The following TEX11 variants were observed in gnomAD, a reference collection of about 807,000 sequenced individuals.
The protein encoded by TEX11 is testis-expressed protein 11.
TEX11 carries 7 observed loss-of-function variants against 84.4 expected under a neutral mutation model. That is an observed-to-expected ratio of 0.08 (90% CI 0.05 to 0.16). The LOEUF is 0.16. Ranked by LOEUF, TEX11 falls within the 10% of genes least tolerant of loss-of-function variation. TEX11 has a pLI of 1.00. For missense variants in TEX11, 551 were observed against 660.5 expected (o/e 0.83, Z 1.82); for synonymous variants, 264 against 222.8 (o/e 1.18, Z -1.64).
chrX:70,887,471 G>T (rs1451015281), intron 2 of TEX11, among the ~76,000 whole-genome samples: 1 of 112,222 alleles, frequency 8.9e-6, no homozygotes, highest in Non-Finnish European at 1.9e-5. Context: ...TGGGCATAGG[G>T]ATAGACTCCT....
chrX:70,590,831 C>T (rs1032464744), intron 25 of TEX11, among the ~76,000 whole-genome samples: 5 of 111,485 alleles, frequency 4.5e-5, no homozygotes, highest in Non-Finnish European at 9.4e-5. Context: ...CACTGCAACC[C>T]CTGCCTCCTG....
chrX:70,543,749 G>A (rs1247174787), intron 28 of TEX11, among the ~76,000 whole-genome samples: 1 of 112,164 alleles, frequency 8.9e-6, no homozygotes, highest in Non-Finnish European at 1.9e-5. Flanking sequence ...GTGATTTGCA[G>A]ATAGTCATGT....
At chrX:70,791,268 G>A (rs1345600374) in intron 9 of TEX11, among the ~76,000 whole-genome samples, 1 of 111,560 alleles carries the variant, frequency 9.0e-6, no homozygotes, top group East Asian at 2.8e-4. Flanking sequence ...AAAGGACAAA[G>A]GACATTACAT....
At chrX:70,664,853 CAA>C (rs373605325) in intron 16 of TEX11, among the ~76,000 whole-genome samples, 1 of 54,148 alleles carries the variant, frequency 1.8e-5, no homozygotes, top group Admixed American at 2.3e-4. Context: ...CTAAGAATTA[CAA>C]AAAAAAAAAA....
chrX:70,553,275 C>T, intron 27 of TEX11, 31 bp downstream of exon 27: 2 of 1,038,386 alleles, frequency 1.9e-6, no homozygotes, highest in Non-Finnish European at 2.7e-6. Flanking sequence ...GTTCTTTTGG[C>T]TAGCAAAAAG....
intron 14 of TEX11, among the ~76,000 whole-genome samples, chrX:70,681,602 G>T (rs1182700660): frequency 9.0e-6 from 1 of 111,509 alleles, no homozygotes; most frequent in African/African-American, 3.3e-5. Context: ...TGATGCCTTT[G>T]GGAGTTGTTA....
intron 9 of TEX11, among the ~76,000 whole-genome samples, chrX:70,750,573 A>G (rs1381247070): frequency 1.9e-5 from 2 of 107,885 alleles, no homozygotes; most frequent in East Asian, 3.0e-4. Flanking sequence ...CATATACACC[A>G]TGGAATACTA....
intron 18 of TEX11, among the ~76,000 whole-genome samples, chrX:70,628,062 C>G (rs2089468695): frequency 9.1e-6 from 1 of 110,372 alleles, no homozygotes; most frequent in Non-Finnish European, 1.9e-5. Flanking sequence ...AACCCCGCCT[C>G]TACTAAAAAT....
the TEX11 span, among the ~76,000 whole-genome samples, chrX:70,512,586 C>T: frequency 9.3e-6 from 1 of 107,990 alleles, no homozygotes; most frequent in Non-Finnish European, 1.9e-5. Flanking sequence ...TTTCATAGCA[C>T]CCACCCTCTA....
intron 25 of TEX11, among the ~76,000 whole-genome samples, chrX:70,561,850 A>G (rs1328767747): frequency 1.8e-5 from 2 of 112,302 alleles, no homozygotes; most frequent in Non-Finnish European, 3.8e-5. Flanking sequence ...AACATGATTG[A>G]TATATTAGGT....
intron 4 of TEX11, among the ~76,000 whole-genome samples, chrX:70,865,493 A>G (rs1454610648): frequency 9.0e-6 from 1 of 111,686 alleles, no homozygotes; most frequent in Non-Finnish European, 1.9e-5. Flanking sequence ...AACGAGACAG[A>G]AAATTAACAA....
chrX:70,792,398 T>C (rs1190154214), intron 9 of TEX11, among the ~76,000 whole-genome samples: 1 of 79,348 alleles, frequency 1.3e-5, no homozygotes, highest in Non-Finnish European at 2.4e-5. Flanking sequence ...AAAAGCAGTG[T>C]TAAGAGGAAA....
chrX:70,589,293 T>C (rs1418014866), intron 25 of TEX11, among the ~76,000 whole-genome samples: 1 of 104,780 alleles, frequency 9.5e-6, no homozygotes, highest in African/African-American at 3.5e-5. Flanking sequence ...TTAAAAAAAC[T>C]CTGAAGATTG....
chrX:70,753,809 C>T (rs2090847406), intron 9 of TEX11, among the ~76,000 whole-genome samples: 1 of 109,758 alleles, frequency 9.1e-6, no homozygotes, highest in African/African-American at 3.3e-5. Context: ...CTCTCCAGGT[C>T]CTAGCTCCCG....
intron 15 of TEX11, among the ~76,000 whole-genome samples, chrX:70,670,969 T>C (rs2090017040): frequency 8.9e-6 from 1 of 111,956 alleles, no homozygotes; most frequent in Admixed American, 9.5e-5. Context: ...TGTTCTATTC[T>C]TTCCATTTAA....
intron 25 of TEX11, among the ~76,000 whole-genome samples, chrX:70,579,530 A>AAAAAAACAAAAAAAAAAAAC (rs2088739759): frequency 9.7e-6 from 1 of 103,128 alleles, no homozygotes; most frequent in Non-Finnish European, 2.0e-5. Context: ...AAAAAAAAAA[A>AAAAAAACAAAAAAAAAAAAC]AAAACAAAAA....
At chrX:70,833,271 GAA>G (rs1192379332) in intron 8 of TEX11, among the ~76,000 whole-genome samples, 1 of 47,549 alleles carries the variant, frequency 2.1e-5, no homozygotes. Flanking sequence ...CTCCATCTCA[GAA>G]AAAAAAAAAA....
At chrX:70,864,912 G>GA (rs1238950433) in intron 4 of TEX11, among the ~76,000 whole-genome samples, 9 of 110,489 alleles carry the variant, frequency 8.1e-5, no homozygotes, top group Non-Finnish European at 1.7e-4. Context: ...AATATGGAAA[G>GA]AAAAAACCGG....
intron 11 of TEX11, among the ~76,000 whole-genome samples, chrX:70,736,947 T>C (rs748511272): frequency 3.6e-5 from 4 of 111,755 alleles, no homozygotes; most frequent in African/African-American, 1.3e-4. Context: ...ATTTATAGTA[T>C]TACAAAAATA....
Sources: gnomAD v4.1 joint callset for allele counts (sites outside exome capture counted in the v4.1 genomes callset) on GRCh38, gnomAD v4.1.1 for gene constraint, MANE v1.5 for transcripts, NCBI Gene and HGNC (gene_info 2026-07-23, HGNC 2026-07-21) for gene names.